CNTN3: variants seen among roughly 807,000 people sequenced by gnomAD.
CNTN3 encodes contactin-3.
CNTN3 carries 60 observed loss-of-function variants against 119.1 expected under a neutral mutation model. The observed-to-expected ratio is 0.50, with a 90% CI of 0.41 to 0.62. CNTN3 has a LOEUF of 0.62. CNTN3 is among the 20% of genes least tolerant of loss of function. CNTN3 has a pLI of 0.00. For missense variants in CNTN3, 1,101 were observed against 1,242.4 expected (o/e 0.89, Z 1.71); for synonymous variants, 450 against 438.7 (o/e 1.03, Z -0.32).
intron 11 of CNTN3, among the ~76,000 whole-genome samples, chr3:74,358,359 C>T (rs556046581): frequency 6.6e-6 from 1 of 151,924 alleles, no homozygotes; most frequent in East Asian, 1.9e-4. Flanking sequence ...TACCACGAGA[C>T]ACTGCTGGGT....
At chr3:74,292,823 A>G (rs774313488) in intron 19 of CNTN3, among the ~76,000 whole-genome samples, 6 of 152,134 alleles carry the variant, frequency 3.9e-5, no homozygotes, top group African/African-American at 7.2e-5. Flanking sequence ...TCCAGCCCCT[A>G]TATCTTTACC....
chr3:74,611,454 A>G (rs59990133), intron 1 of CNTN3, among the ~76,000 whole-genome samples: 1 of 152,164 alleles, frequency 6.6e-6, no homozygotes, highest in African/African-American at 2.4e-5. Flanking sequence ...AATTTTTCCA[A>G]AGAAATGTCC....
intron 9 of CNTN3, among the ~76,000 whole-genome samples, 184 bp downstream of exon 9, chr3:74,365,382 G>C (rs1163606437): frequency 2.0e-5 from 3 of 152,036 alleles, no homozygotes; most frequent in African/African-American, 7.3e-5. Flanking sequence ...TCTCCTCACT[G>C]GCAGACTGGG....
chr3:74,371,688 A>T (rs1210656042), intron 5 of CNTN3, among the ~76,000 whole-genome samples: 1 of 152,108 alleles, frequency 6.6e-6, no homozygotes, highest in African/African-American at 2.4e-5. Flanking sequence ...GTTTTAGTTC[A>T]TATCTCCATC....
chr3:74,293,154 C>T (rs1702268447), intron 19 of CNTN3, among the ~76,000 whole-genome samples: 1 of 152,154 alleles, frequency 6.6e-6, no homozygotes, highest in South Asian at 2.1e-4. Context: ...CTAACAAGAC[C>T]TAGTCCTAAA....
At chr3:74,291,052 C>T (rs1185457221) in intron 19 of CNTN3, among the ~76,000 whole-genome samples, 1 of 151,698 alleles carries the variant, frequency 6.6e-6, no homozygotes, top group African/African-American at 2.4e-5. Flanking sequence ...CTCCCCCCTT[C>T]CCCCACCTCA....
At chr3:74,461,147 T>C (rs1346460029) in intron 4 of CNTN3, among the ~76,000 whole-genome samples, 1 of 151,950 alleles carries the variant, frequency 6.6e-6, no homozygotes, top group East Asian at 1.9e-4. Flanking sequence ...ATGTGTTATA[T>C]TGACTGAATT....
intron 13 of CNTN3, among the ~76,000 whole-genome samples, chr3:74,319,651 C>A (rs541215631): frequency 6.5e-4 from 99 of 151,666 alleles, no homozygotes; most frequent in South Asian, 2.7e-3. Context: ...GCAACAAAAG[C>A]CAAAATTGAC....
intron 1 of CNTN3, among the ~76,000 whole-genome samples, chr3:74,568,398 T>C (rs1704259253): frequency 6.6e-6 from 1 of 152,166 alleles, no homozygotes; most frequent in South Asian, 2.1e-4. Flanking sequence ...CCCTGCTCCA[T>C]AGGATATGGG....
At chr3:74,607,117 A>G (rs1231067956) in intron 1 of CNTN3, among the ~76,000 whole-genome samples, 13 of 152,160 alleles carry the variant, frequency 8.5e-5, no homozygotes, top group Non-Finnish European at 2.9e-5. Flanking sequence ...TGCCTCGTAT[A>G]TGCAAATGTG....
At chr3:74,389,489 G>A (rs1004500759) in intron 5 of CNTN3, among the ~76,000 whole-genome samples, 16 of 152,148 alleles carry the variant, frequency 1.1e-4, no homozygotes, top group African/African-American at 3.1e-4. Context: ...ACTGAGAAAA[G>A]TATTTTATAG....
intron 20 of CNTN3, among the ~76,000 whole-genome samples, chr3:74,272,797 G>A (rs1701804821): frequency 6.6e-6 from 1 of 152,104 alleles, no homozygotes; most frequent in Non-Finnish European, 1.5e-5. Flanking sequence ...CAGGTTTGGA[G>A]GTTTCAACAG....
At chr3:74,552,471 G>A (rs1385937925) in intron 1 of CNTN3, among the ~76,000 whole-genome samples, 1 of 152,174 alleles carries the variant, frequency 6.6e-6, no homozygotes, top group Non-Finnish European at 1.5e-5. Flanking sequence ...TGTGTGACCT[G>A]TGTTTTGGAT....
chr3:74,317,763 C>G (rs1702873032), intron 13 of CNTN3, among the ~76,000 whole-genome samples: 1 of 152,102 alleles, frequency 6.6e-6, no homozygotes, highest in Admixed American at 6.6e-5. Flanking sequence ...CTCTGGCTGC[C>G]CTTAACATTT....
chr3:74,389,159 AC>A (rs1275949484), intron 5 of CNTN3, among the ~76,000 whole-genome samples: 2 of 152,196 alleles, frequency 1.3e-5, no homozygotes, highest in African/African-American at 4.8e-5. Flanking sequence ...TTATAGGCAA[AC>A]TTTATGGAAT....
At chr3:74,440,962 C>A (rs1037682972) in intron 4 of CNTN3, among the ~76,000 whole-genome samples, 1 of 152,174 alleles carries the variant, frequency 6.6e-6, no homozygotes, top group African/African-American at 2.4e-5. Flanking sequence ...AGTTTGGTAT[C>A]CATGAGAGTC....
At chr3:74,414,889 T>TTTTC (rs1553657549) in intron 5 of CNTN3, among the ~76,000 whole-genome samples, 60 of 150,580 alleles carry the variant, frequency 4.0e-4, no homozygotes, top group Non-Finnish European at 1.6e-4. Flanking sequence ...TTTTTTTTTT[T>TTTTC]TTTTTTTTGA....
At chr3:74,547,211 TA>T (rs1160545547) in intron 1 of CNTN3, among the ~76,000 whole-genome samples, 2 of 152,236 alleles carry the variant, frequency 1.3e-5, no homozygotes, top group Non-Finnish European at 2.9e-5. Flanking sequence ...AATTTACAGA[TA>T]TTGTTTCTAC....
At chr3:74,489,457 TTCCTCCC>T (rs1334471101) in intron 3 of CNTN3, among the ~76,000 whole-genome samples, 2 of 146,418 alleles carry the variant, frequency 1.4e-5, no homozygotes, top group Non-Finnish European at 1.5e-5. Flanking sequence ...CCTTCCTCCC[TTCCTCCC>T]TTCCTCTCTC....
Sources: gnomAD v4.1 joint callset for allele counts (sites outside exome capture counted in the v4.1 genomes callset) on GRCh38, gnomAD v4.1.1 for gene constraint, MANE v1.5 for transcripts, NCBI Gene and HGNC (gene_info 2026-07-23, HGNC 2026-07-21) for gene names.